CSMD1: variants seen among roughly 807,000 people sequenced by gnomAD.
The protein encoded by CSMD1 is CUB and Sushi multiple domains 1.
A neutral mutation model predicts 417.5 loss-of-function variants in CSMD1; 213 were observed. That is an observed-to-expected ratio of 0.51 (90% confidence interval 0.46 to 0.57). The LOEUF is 0.57. CSMD1 is among the 20% of genes least tolerant of loss of function. The pLI is 0.00. For synonymous variants in CSMD1, 2,862 were observed against 1,736.8 expected, an observed-to-expected ratio of 1.65 and a Z score of -16.11; for missense variants, 6,923 against 4,529.7, an observed-to-expected ratio of 1.53 and a Z score of -15.17.
intron 3 of CSMD1, among the ~76,000 whole-genome samples, chr8:4,239,890 T>C (rs1235478742): frequency 1.3e-5 from 2 of 152,236 alleles, no homozygotes; most frequent in African/African-American, 2.4e-5. Flanking sequence ...CTTTGCAGCA[T>C]TAGCAATTTG....
At chr8:3,483,478 G>T (rs993477083) in intron 11 of CSMD1, among the ~76,000 whole-genome samples, 1 of 151,956 alleles carries the variant, frequency 6.6e-6, no homozygotes, top group Non-Finnish European at 1.5e-5. Context: ...AGAAATTAAT[G>T]GTATAACATG....
chr8:3,180,846 G>A (rs1284088616), intron 37 of CSMD1, among the ~76,000 whole-genome samples: 1 of 151,804 alleles, frequency 6.6e-6, no homozygotes, highest in African/African-American at 2.4e-5. Flanking sequence ...GTTTCTCCGT[G>A]TTGGACAGCC....
chr8:4,179,934 G>C (rs1798261570), intron 3 of CSMD1, among the ~76,000 whole-genome samples: 1 of 152,248 alleles, frequency 6.6e-6, no homozygotes, highest in Admixed American at 6.5e-5. Flanking sequence ...AACAAAAGGT[G>C]CTGGAGAGGA....
At position 2,998,117 on chromosome 8, in the gene CSMD1, A is replaced by G. The variant is rs746402579; in HGVS notation, c.8271T>C (p.Asn2757=). Residue 2757 remains asparagine (N), a synonymous_variant, in exon 54 of 70, where the codon AAT becomes AAC. Coordinates refer to ENST00000635120, the MANE Select transcript of CSMD1 (RefSeq NM_033225.6). ...TGTTGCAGGTGAAATTCACGACATC[A>G]TTCAGGTTGAACTCACTGCCATTAG... ...GFTNGSEFNL[N]DVVNFTCNTG... is the part of the protein sequence containing the mutation. 4.3e-6 allele frequency: 7 copies of G among 1,614,034 alleles called. No homozygotes were observed. The highest frequency in any genetic ancestry group is 4.5e-5 in the East Asian group (2 of 44,886).
intron 2 of CSMD1, among the ~76,000 whole-genome samples, chr8:4,471,682 G>A (rs1333073082): frequency 6.6e-6 from 1 of 152,066 alleles, no homozygotes; most frequent in African/African-American, 2.4e-5. Context: ...GAAGGCCAGC[G>A]AACGCAGAGA....
chr8:3,440,567 A>G (rs1377226359), intron 12 of CSMD1, among the ~76,000 whole-genome samples: 1 of 152,160 alleles, frequency 6.6e-6, no homozygotes, highest in Non-Finnish European at 1.5e-5. Flanking sequence ...GGGAAATTCT[A>G]TCTAGACGAT....
At chr8:4,499,208 A>T (rs1303715842) in intron 2 of CSMD1, among the ~76,000 whole-genome samples, 1 of 152,216 alleles carries the variant, frequency 6.6e-6, no homozygotes, top group Non-Finnish European at 1.5e-5. Flanking sequence ...CCTCAGAAAG[A>T]CTTCACAAAC....
At chr8:3,752,694 A>AAC (rs1554531824) in intron 6 of CSMD1, among the ~76,000 whole-genome samples, 28 of 66,598 alleles carry the variant, frequency 4.2e-4, no homozygotes, top group Middle Eastern at 7.8e-3. Context: ...AAAAAAAAAA[A>AAC]AAAAAAAAAA....
chr8:4,523,137 G>C (rs1032028653), intron 2 of CSMD1, among the ~76,000 whole-genome samples: 11 of 152,112 alleles, frequency 7.2e-5, no homozygotes, highest in African/African-American at 2.7e-4. Flanking sequence ...ACATCCTTTG[G>C]TGCTAATTTT....
intron 62 of CSMD1, among the ~76,000 whole-genome samples, chr8:2,958,778 A>C (rs1316446982): frequency 1.3e-5 from 2 of 152,204 alleles, no homozygotes; most frequent in Non-Finnish European, 2.9e-5. Context: ...AAAGATTTGA[A>C]TTCCCCTCTT....
chr8:2,994,989 A>T, intron 54 of CSMD1, among the ~76,000 whole-genome samples: 1 of 152,208 alleles, frequency 6.6e-6, no homozygotes, highest in South Asian at 2.1e-4. Flanking sequence ...ACACTTCAAG[A>T]TCTAGGTCTT....
At chr8:3,686,312 G>A (rs909298946) in intron 7 of CSMD1, among the ~76,000 whole-genome samples, 1 of 152,128 alleles carries the variant, frequency 6.6e-6, no homozygotes, top group Non-Finnish European at 1.5e-5. Flanking sequence ...AGCTAACACT[G>A]TGACTTTCAG....
chr8:3,453,907 T>C (rs961411990), intron 12 of CSMD1, among the ~76,000 whole-genome samples: 1 of 152,186 alleles, frequency 6.6e-6, no homozygotes, highest in Admixed American at 6.6e-5. Flanking sequence ...ATGTTGACAG[T>C]AGGGTGTTAA....
intron 5 of CSMD1, among the ~76,000 whole-genome samples, chr8:3,825,256 G>A (rs1323601996): frequency 6.6e-6 from 1 of 152,170 alleles, no homozygotes; most frequent in Non-Finnish European, 1.5e-5. Context: ...GAGGCCGGGT[G>A]TGGTGGCTCA....
At chr8:3,516,256 C>T (rs577598016) in intron 10 of CSMD1, among the ~76,000 whole-genome samples, 1 of 152,338 alleles carries the variant, frequency 6.6e-6, no homozygotes, top group South Asian at 2.1e-4. Flanking sequence ...GACTCACCAG[C>T]TGTGCATAGG....
intron 7 of CSMD1, among the ~76,000 whole-genome samples, chr8:3,631,801 T>C (rs762295935): frequency 4.6e-5 from 7 of 152,224 alleles, no homozygotes; most frequent in Non-Finnish European, 1.0e-4. Context: ...TTCTCTGCCT[T>C]AGGCACTAAC....
At chr8:3,479,005 C>G (rs1396039289) in intron 11 of CSMD1, among the ~76,000 whole-genome samples, 1 of 152,014 alleles carries the variant, frequency 6.6e-6, no homozygotes, top group Non-Finnish European at 1.5e-5. Flanking sequence ...ACCAACATCT[C>G]CCCAAGCCCA....
chr8:4,388,953 C>T (rs559829770), intron 3 of CSMD1, among the ~76,000 whole-genome samples: 7 of 152,262 alleles, frequency 4.6e-5, no homozygotes, highest in East Asian at 1.9e-4. Context: ...GCCATCTCTA[C>T]GTCTCTTACC....
At chr8:4,806,063 G>A (rs929389338) in intron 1 of CSMD1, among the ~76,000 whole-genome samples, 4 of 152,072 alleles carry the variant, frequency 2.6e-5, no homozygotes, top group East Asian at 3.9e-4. Flanking sequence ...CCGGATTTTC[G>A]GTGTCATTTA....
Sources: allele counts gnomAD v4.1 joint callset (sites outside exome capture counted in the v4.1 genomes callset), GRCh38; gene constraint gnomAD v4.1.1; transcripts MANE v1.5; gene names NCBI Gene and HGNC (gene_info 2026-07-23, HGNC 2026-07-21).